Variants in TNFSF15 observed in about 807,000 individuals in gnomAD.
TNFSF15 encodes the protein tumor necrosis factor ligand superfamily member 15.
Under a neutral mutation model 26.4 loss-of-function variants are expected in TNFSF15, and 15 were observed. The observed-to-expected ratio is 0.57, with a 90% CI of 0.38 to 0.87. The LOEUF is 0.87. TNFSF15 is among the 40% of genes least tolerant of loss of function. The pLI is 0.00. For missense variants in TNFSF15, 290 were observed against 306.1 expected (o/e 0.95, Z 0.39); for synonymous variants, 116 against 115.0 (o/e 1.01, Z -0.06).
rs375596433 is a variant in TNFSF15 at position 114,793,497 on chromosome 9, G to A, written c.253+29C>T. 20 of 1,612,470 alleles carry A rather than the reference G, an allele frequency of 1.2e-5. No homozygotes were observed. The Admixed American group carries it at 1.3e-4, about 11-fold the overall frequency. ...CTAGAAATGTTCTTATTCCCCACGA[G>A]GAAAGGCGTTGAAGATGAGCATACT... On this transcript the variant is annotated intron_variant, in intron 2 of 3. Transcript: ENST00000374045.
intron 1 of TNFSF15, among the ~76,000 whole-genome samples, chr9:114,800,283 T>G (rs935956472): frequency 1.3e-5 from 2 of 152,172 alleles, no homozygotes; most frequent in African/African-American, 4.8e-5. Context: ...CAGGGAGATC[T>G]AGTACATTTC....
chr9:114,796,038 C>A (rs1257964862), intron 1 of TNFSF15, among the ~76,000 whole-genome samples: 1 of 152,196 alleles, frequency 6.6e-6, no homozygotes, highest in Non-Finnish European at 1.5e-5. Context: ...GTCTGTCCAG[C>A]CCCTTTCCAT....
At chr9:114,793,812 T>A (rs1239525830) in intron 1 of TNFSF15, among the ~76,000 whole-genome samples, 1 of 152,230 alleles carries the variant, frequency 6.6e-6, no homozygotes, top group African/African-American at 2.4e-5. Context: ...AGCTCAACTT[T>A]AAGGTTCTTT....
intron 1 of TNFSF15, among the ~76,000 whole-genome samples, chr9:114,803,508 T>G (rs973082375): frequency 6.6e-6 from 1 of 152,176 alleles, no homozygotes; most frequent in Non-Finnish European, 1.5e-5. Flanking sequence ...TTGAATCCAG[T>G]CTTTTCCCAT....
chr9:114,791,114 G>A, intron 3 of TNFSF15: 1 of 620,580 alleles, frequency 1.6e-6, no homozygotes, highest in East Asian at 2.8e-5. Context: ...GTGACCTGGG[G>A]CAAATTACTT....
At position 114,790,205 on chromosome 9, in the gene TNFSF15, C is replaced by T. The variant is rs571299549; in HGVS notation, c.*247G>A. The T allele has an allele frequency of 9.9e-5, 38 of 385,608 alleles. No individual in the cohort carries two copies. In the South Asian group the frequency reaches 1.2e-3, roughly 12 times the overall value. The allele number at this position is 385,608 out of a possible 1,614,324, so 23.9% of individuals were successfully genotyped here. On this transcript the variant is annotated 3_prime_UTR_variant, in exon 4 of 4. Coordinates refer to ENST00000374045, the MANE Select transcript of TNFSF15 (RefSeq NM_005118.4). ...ATCAGTGTCTTAATATTTAGAAACT[C>T]GCCAATCCTCCAACCCATCTTAATA... is the stretch of plus-strand genomic sequence containing the variant.
intron 2 of TNFSF15, 90 bp downstream of exon 2, chr9:114,793,436 A>G: frequency 6.8e-7 from 1 of 1,470,330 alleles, no homozygotes; most frequent in Non-Finnish European, 9.5e-7. Context: ...ACTTGTACTT[A>G]AAGACTCATC....
rs1224125354 is a variant in TNFSF15 at position 114,784,866 on chromosome 9, T to C, written c.*5586A>G. The C allele has an allele frequency of 1.3e-5, 2 of 152,196 alleles. No homozygotes were observed. Among genetic ancestry groups the C allele is most frequent in the African/African-American group, 4.8e-5 (2 of 41,452 alleles). 9.4% of individuals were successfully genotyped at this position (152,196 alleles called of 1,614,324 possible). A position where few individuals can be genotyped will look rare whatever the true frequency, so the allele number is the denominator to read the frequency against. On this transcript the variant is annotated 3_prime_UTR_variant, in exon 4 of 4. Transcript: ENST00000374045. Reference sequence around the variant, plus strand: ...AATCAATGAAAGCACATGGGGTTTGTCACTAAAACCACATAAACACCTACA... The same window carrying C: ...AATCAATGAAAGCACATGGGGTTTGCCACTAAAACCACATAAACACCTACA...
At chr9:114,795,499 A>T (rs550451608) in intron 1 of TNFSF15, among the ~76,000 whole-genome samples, 1 of 152,380 alleles carries the variant, frequency 6.6e-6, no homozygotes, top group South Asian at 2.1e-4. Context: ...TGTATTAGGT[A>T]TCATAAGCAT....
chr9:114,797,728 A>G (rs1191621395), intron 1 of TNFSF15, among the ~76,000 whole-genome samples: 1 of 152,228 alleles, frequency 6.6e-6, no homozygotes, highest in Admixed American at 6.5e-5. Flanking sequence ...GGTGCTGGTC[A>G]TGGCAACATT....
Position 114,790,684 on chromosome 9 carries a change from T to C in TNFSF15, c.524A>G (p.Asp175Gly). 3.1e-6 allele frequency: 5 copies of C among 1,613,796 alleles called. No individual in the cohort carries two copies. Among genetic ancestry groups the C allele is most frequent in the Non-Finnish European group, 3.4e-6 (4 of 1,179,960 alleles). ...CTTGGTGATGACCACAGTGATGGAGTCTGGCTTGTTTGGTCGGCCTGCTTG... is the reference window on the plus strand; with the variant it reads ...CTTGGTGATGACCACAGTGATGGAGCCTGGCTTGTTTGGTCGGCCTGCTTG... ...IRQAGRPNKP[D>G]SITVVITKVT... The change falls in exon 4 of 4, where the codon GAC (aspartate) becomes GGC (glycine). Residue 175 changes from aspartate to glycine, a missense_variant. By Grantham distance (94) the Asp-to-Gly change is moderately conservative. Around this residue, in one of 3 missense-constraint regions of TNFSF15, gnomAD observed 102 missense variants for 114.7 expected, o/e 0.89. Coordinates refer to ENST00000374045, the MANE Select transcript of TNFSF15 (RefSeq NM_005118.4).
chr9:114,801,315 G>A (rs915947992), intron 1 of TNFSF15, among the ~76,000 whole-genome samples: 3 of 152,160 alleles, frequency 2.0e-5, no homozygotes, highest in African/African-American at 7.2e-5. Context: ...GATACTGTAG[G>A]GCCCAAAGAA....
In TNFSF15 at chr9:114,784,911, C is replaced by G. The variant is rs1040516584; in HGVS notation, c.*5541G>C. ...CCTACACTTCTTCAATCTGTACACC[C>G]CTGAAACAAAAAAAGGGGAACATTA... is the stretch of plus-strand genomic sequence containing the variant. On this transcript the variant is annotated 3_prime_UTR_variant, in exon 4 of 4. Transcript: ENST00000374045. 2 of 146,986 alleles carry G rather than the reference C, an allele frequency of 1.4e-5. No individual in the cohort carries two copies. The highest frequency in any genetic ancestry group is 3.1e-5 in the Non-Finnish European group (2 of 64,738). The allele number at this position is 146,986 out of a possible 1,614,324, so 9.1% of individuals were successfully genotyped here.
At chr9:114,802,574 C>A (rs965524779) in intron 1 of TNFSF15, among the ~76,000 whole-genome samples, 1 of 152,126 alleles carries the variant, frequency 6.6e-6, no homozygotes, top group Non-Finnish European at 1.5e-5. Flanking sequence ...AATTGTATTT[C>A]TGTAATGTAA....
In TNFSF15 at chr9:114,785,455, G is replaced by A. The variant is rs1451087390; in HGVS notation, c.*4997C>T. The A allele has an allele frequency of 6.6e-6, 1 of 152,134 alleles. No homozygotes were observed. Among genetic ancestry groups the A allele is most frequent in the Non-Finnish European group, 1.5e-5 (1 of 68,028 alleles). The allele number at this position is 152,134 out of a possible 1,614,324, so 9.4% of individuals were successfully genotyped here. A position where few individuals can be genotyped will look rare whatever the true frequency, so the allele number is the denominator to read the frequency against. On this transcript the variant is annotated 3_prime_UTR_variant, in exon 4 of 4. Coordinates refer to ENST00000374045, the MANE Select transcript of TNFSF15 (RefSeq NM_005118.4). ...CTGCCAGGTTTGTAATGATCAACTA[G>A]AACACATGGAAGTCAATGAACAAAA...
At chr9:114,795,158 G>A (rs768490042) in intron 1 of TNFSF15, among the ~76,000 whole-genome samples, 9 of 151,886 alleles carry the variant, frequency 5.9e-5, no homozygotes, top group East Asian at 1.9e-4. Context: ...TACCCCACAC[G>A]TATATAAAAT....
At chr9:114,802,395 GGC>G (rs1211680570) in intron 1 of TNFSF15, among the ~76,000 whole-genome samples, 1 of 152,102 alleles carries the variant, frequency 6.6e-6, no homozygotes, top group Non-Finnish European at 1.5e-5. Flanking sequence ...TGGGACTACA[GGC>G]GCGCGCCACC....
In TNFSF15 at chr9:114,793,572, T is replaced by C. The variant is rs752074542; in HGVS notation, c.211-4A>G. ...CAAACTCCTGTCCTTTTAGAGCCTATTGGGAAAGAAAGTATAGTTTAGACC... is the reference window on the plus strand; with the variant it reads ...CAAACTCCTGTCCTTTTAGAGCCTACTGGGAAAGAAAGTATAGTTTAGACC... On this transcript the variant is annotated splice_polypyrimidine_tract_variant and splice_region_variant and intron_variant, in intron 1 of 3. Coordinates refer to ENST00000374045, the MANE Select transcript of TNFSF15 (RefSeq NM_005118.4). 1.2e-6 allele frequency: 2 copies of C among 1,613,742 alleles called. No individual in the cohort carries two copies. The highest frequency in any genetic ancestry group is 1.7e-6 in the Non-Finnish European group (2 of 1,179,678).
intron 1 of TNFSF15, among the ~76,000 whole-genome samples, chr9:114,795,388 T>C (rs1829661784): frequency 6.6e-6 from 1 of 152,188 alleles, no homozygotes; most frequent in Non-Finnish European, 1.5e-5. Flanking sequence ...GATTTCCATA[T>C]CTGCAGATTC....
Sources: gnomAD v4.1 joint callset for allele counts (sites outside exome capture counted in the v4.1 genomes callset) on GRCh38, gnomAD v4.1.1 for gene constraint, gnomAD v4.1.1 regional missense constraint, MANE v1.5 for transcripts, NCBI Gene and HGNC (gene_info 2026-07-23, HGNC 2026-07-21) for gene names.